Variants in SLC5A12 observed in about 807,000 individuals in gnomAD.
SLC5A12 encodes the protein solute carrier family 5 member 12, also known as sodium-coupled monocarboxylate transporter 2.
SLC5A12 carries 46 observed loss-of-function variants against 72.7 expected under a neutral mutation model. The ratio of observed to expected loss-of-function variants is 0.63; its 90% CI spans 0.50 to 0.81. The LOEUF is 0.81. Ranked by LOEUF, SLC5A12 falls within the 30% of genes least tolerant of loss-of-function variation. SLC5A12 has a pLI of 0.00. For synonymous variants in SLC5A12, 275 were observed against 264.4 expected (o/e 1.04, Z -0.39); for missense variants, 683 against 740.7 (o/e 0.92, Z 0.90).
chr11:26,700,713 G>A lies in SLC5A12; in HGVS notation c.822-2178C>T, dbSNP rs763139486. 1.1e-4 allele frequency among the ~76,000 whole-genome samples: 16 copies of A among 152,168 alleles called. No individual in the cohort carries two copies. The East Asian group carries it at 3.1e-3, about 30-fold the overall frequency. Reference sequence around the variant, plus strand: ...CAGCAGACCTGAAAGATAAACAAGGGATTAGAAACACAGTTAGCTTCCAGG... The same window carrying A: ...CAGCAGACCTGAAAGATAAACAAGGAATTAGAAACACAGTTAGCTTCCAGG... On this transcript the variant is annotated intron_variant, in intron 6 of 14. Transcript: ENST00000396005.
At chr11:26,714,173 A>C (rs1855295568) in intron 1 of SLC5A12, among the ~76,000 whole-genome samples, 1 of 152,106 alleles carries the variant, frequency 6.6e-6, no homozygotes, top group African/African-American at 2.4e-5. Flanking sequence ...ATACTGGGGA[A>C]GGTATGCTGT....
chr11:26,669,155 CTCT>C lies in SLC5A12; in HGVS notation c.*1944_*1946del, dbSNP rs1409925386. ...TTTTATTCTTTCTGTCTCTCTCTTC[CTCT>C]TCCTGTCTTTTTCTTTCTTTCTTTC... On this transcript the variant is annotated 3_prime_UTR_variant, in exon 15 of 15. Transcript: ENST00000396005. The C allele has an allele frequency of 1.4e-5, 1 of 72,236 alleles. No individual in the cohort carries two copies. The highest frequency in any genetic ancestry group is 3.9e-5 in the Non-Finnish European group (1 of 25,334). 4.5% of individuals were successfully genotyped at this position (72,236 alleles called of 1,614,324 possible). A position where few individuals can be genotyped will look rare whatever the true frequency, so the allele number is the denominator to read the frequency against.
At chr11:26,707,396 T>C (rs1192243597) in intron 4 of SLC5A12, among the ~76,000 whole-genome samples, 6 of 152,036 alleles carry the variant, frequency 3.9e-5, no homozygotes, top group Admixed American at 1.3e-4. Flanking sequence ...TTTGAAACAC[T>C]ACCTCACCTC....
At chr11:26,705,694 C>G (rs903767014) in intron 4 of SLC5A12, among the ~76,000 whole-genome samples, 2 of 152,052 alleles carry the variant, frequency 1.3e-5, no homozygotes, top group African/African-American at 4.8e-5. Context: ...ATCCATTAAG[C>G]CTTCAAAACC....
intron 8 of SLC5A12, among the ~76,000 whole-genome samples, chr11:26,695,166 A>T (rs1854779232): frequency 6.6e-6 from 1 of 152,114 alleles, no homozygotes; most frequent in Admixed American, 6.5e-5. Flanking sequence ...CCTAATAGAT[A>T]AATTATATTT....
intron 10 of SLC5A12, 80 bp from the exon 11 acceptor site, chr11:26,683,923 T>A (rs533447950): frequency 9.0e-7 from 1 of 1,107,206 alleles, no homozygotes; most frequent in African/African-American, 1.5e-5. Context: ...CTCTTGGACC[T>A]GGGATAATAT....
chr11:26,669,660 C>G lies in SLC5A12; in HGVS notation c.*1442G>C. 6.6e-6 allele frequency: 1 copy of G among 151,896 alleles called. No individual in the cohort carries two copies. The allele number at this position is 151,896 out of a possible 1,614,324, so 9.4% of individuals were successfully genotyped here. Reference sequence around the variant, plus strand: ...TGTTTTAATTCCTCCACTGATTTGTCTGTCTTTCTATCTTTTCTAATAATA... The same window carrying G: ...TGTTTTAATTCCTCCACTGATTTGTGTGTCTTTCTATCTTTTCTAATAATA... On this transcript the variant is annotated 3_prime_UTR_variant, in exon 15 of 15. Transcript: ENST00000396005.
At chr11:26,719,952 C>T (rs557610668) in intron 1 of SLC5A12, among the ~76,000 whole-genome samples, 1 of 152,078 alleles carries the variant, frequency 6.6e-6, no homozygotes, top group Non-Finnish European at 1.5e-5. Context: ...ATTCTATATG[C>T]CTCAGTTTTC....
chr11:26,669,205 T>TTCTTTCTTTC lies in SLC5A12; in HGVS notation c.*1887_*1896dup, dbSNP rs1554988631. 7 of 138,810 alleles carry TTCTTTCTTTC rather than the reference T, an allele frequency of 5.0e-5. No individual in the cohort carries two copies. Among genetic ancestry groups the TTCTTTCTTTC allele is most frequent in the Admixed American group, 1.5e-4 (2 of 13,778 alleles). 8.6% of individuals were successfully genotyped at this position (138,810 alleles called of 1,614,324 possible). A position where few individuals can be genotyped will look rare whatever the true frequency, so the allele number is the denominator to read the frequency against. Reference sequence around the variant, plus strand: ...TTTCTTCTTTTCTTTCTTTCTTTCTTTCTTTCTTTCTTTCTCTCTCTCCCT... The same window carrying TTCTTTCTTTC: ...TTTCTTCTTTTCTTTCTTTCTTTCTTTCTTTCTTTCTCTTTCTTTCTTTCTCTCTCTCCCT... On this transcript the variant is annotated 3_prime_UTR_variant, in exon 15 of 15. Coordinates refer to ENST00000396005, the MANE Select transcript of SLC5A12 (RefSeq NM_178498.4).
At chr11:26,677,084 G>A (rs1854283643) in intron 13 of SLC5A12, among the ~76,000 whole-genome samples, 3 of 151,606 alleles carry the variant, frequency 2.0e-5, no homozygotes, top group Admixed American at 6.6e-5. Flanking sequence ...GCAGACCTGA[G>A]GTTATCAGGC....
chr11:26,679,394 A>C (rs147301578), intron 12 of SLC5A12, among the ~76,000 whole-genome samples: 4 of 152,294 alleles, frequency 2.6e-5, no homozygotes, highest in African/African-American at 4.8e-5. Flanking sequence ...TACAGTAAGT[A>C]TAGGCAGGAG....
chr11:26,711,412 A>T, intron 2 of SLC5A12, 54 bp from the exon 3 acceptor site: 1 of 1,402,514 alleles, frequency 7.1e-7, no homozygotes, highest in South Asian at 1.2e-5. Context: ...TAGAAAGGAA[A>T]ACTGCCTAGA....
In SLC5A12 at chr11:26,673,399, C is replaced by A. The variant is rs1285256315; in HGVS notation, c.1707+3G>T. On this transcript the variant is annotated splice_donor_region_variant and intron_variant, in intron 14 of 14. Transcript: ENST00000396005. ...ATTTTTAGAAGCTCAAACATCAGCT[C>A]ACCTGCTCTGTCCCACTGTCATGCT... The A allele has an allele frequency of 1.3e-6, 2 of 1,567,398 alleles. No homozygotes were observed. Among genetic ancestry groups the A allele is most frequent in the African/African-American group, 1.4e-5 (1 of 72,742 alleles).
chr11:26,687,866 T>C (rs1268867995), intron 9 of SLC5A12, among the ~76,000 whole-genome samples: 1 of 152,216 alleles, frequency 6.6e-6, no homozygotes, highest in Non-Finnish European at 1.5e-5. Context: ...GATTGACTAC[T>C]ATTAGACTAT....
At chr11:26,691,314 C>T (rs61877323) in intron 9 of SLC5A12, among the ~76,000 whole-genome samples, 25,356 of 152,024 alleles carry the variant, frequency 0.17, 2,237 homozygotes, top group Admixed American at 0.22. Flanking sequence ...ACTGCTGCCA[C>T]ACATACTTAT....
intron 1 of SLC5A12, among the ~76,000 whole-genome samples, chr11:26,718,885 A>G (rs1855414552): frequency 6.6e-6 from 1 of 152,196 alleles, no homozygotes. Flanking sequence ...CACACTCTGG[A>G]TTACTTACTA....
Position 26,676,363 on chromosome 11 carries a change from A to AC in SLC5A12, c.1579+2348_1579+2349insG, listed in dbSNP as rs1369799365. ...GCAAGCTCTGTTTCTAGAAAACAAA[A>AC]AAAAAAAAAAAAAAAGAAAACAGGT... On this transcript the variant is annotated intron_variant, in intron 13 of 14. Transcript: ENST00000396005. 3.3e-3 allele frequency among the ~76,000 whole-genome samples: 407 copies of AC among 122,208 alleles called. 1 individual carries two copies. The highest frequency in any genetic ancestry group is 0.01 in the East Asian group (53 of 5,090). The allele number at this position is 122,208 out of a possible 152,430, so 80.2% of individuals were successfully genotyped here. A position where few individuals can be genotyped will look rare whatever the true frequency, so the allele number is the denominator to read the frequency against.
intron 6 of SLC5A12, among the ~76,000 whole-genome samples, chr11:26,702,044 T>C (rs1045971718): frequency 2.0e-5 from 3 of 152,154 alleles, no homozygotes; most frequent in African/African-American, 7.2e-5. Flanking sequence ...TAACAAAGAA[T>C]CATTATTTAT....
chr11:26,705,628 G>A (rs1201319158), intron 4 of SLC5A12, among the ~76,000 whole-genome samples: 2 of 151,988 alleles, frequency 1.3e-5, no homozygotes, highest in South Asian at 2.1e-4. Context: ...ATGGTTTGAG[G>A]TATAATAAAT....
Sources: allele counts gnomAD v4.1 joint callset (sites outside exome capture counted in the v4.1 genomes callset), GRCh38; gene constraint gnomAD v4.1.1; transcripts MANE v1.5; gene names NCBI Gene and HGNC (gene_info 2026-07-23, HGNC 2026-07-21).